Variants in CDC42SE2 observed in about 807,000 individuals in gnomAD.
CDC42SE2 encodes the protein CDC42 small effector protein 2.
CDC42SE2 carries 3 observed loss-of-function variants against 11.5 expected under a neutral mutation model. The ratio of observed to expected loss-of-function variants is 0.26; its 90% confidence interval spans 0.12 to 0.67. The LOEUF is 0.67. Among genes scored for constraint, CDC42SE2 ranks in the 30% least tolerant of loss-of-function variants. The pLI, the probability that CDC42SE2 is intolerant of heterozygous loss-of-function variation, is 0.80. For missense variants in CDC42SE2, 82 were observed against 106.8 expected (o/e 0.77, Z 1.02); for synonymous variants, 33 against 34.8 (o/e 0.95, Z 0.18).
chr5:131,353,827 G>C (rs938906384), intron 2 of CDC42SE2, among the ~76,000 whole-genome samples: 2 of 152,054 alleles, frequency 1.3e-5, no homozygotes, highest in South Asian at 4.2e-4. Flanking sequence ...CATGAGAATT[G>C]TTTGAACCTG....
In CDC42SE2 at chr5:131,288,071, C is replaced by CT. The variant is rs1278609363; in HGVS notation, c.-455+23906dup. Among the ~76,000 whole-genome samples the CT allele has an allele frequency of 3.3e-5, 5 of 152,004 alleles. No individual in the cohort carries two copies. The South Asian group carries it at 8.3e-4, about 25-fold the overall frequency. On this transcript the variant is annotated intron_variant, in intron 1 of 4. Coordinates refer to ENST00000505065, the MANE Select transcript of CDC42SE2 (RefSeq NM_001375635.1). ...CCGGCCTGGGCAAAATAGTGAGACT[C>CT]TATCTCTATCAAAAAAGTAAATAAA...
chr5:131,278,090 A>G (rs996873788), intron 1 of CDC42SE2, among the ~76,000 whole-genome samples: 1 of 152,084 alleles, frequency 6.6e-6, no homozygotes, highest in Non-Finnish European at 1.5e-5. Flanking sequence ...GGTCCTATCA[A>G]TTCTTGTGCC....
At chr5:131,329,113 C>T (rs1255298528) in intron 2 of CDC42SE2, among the ~76,000 whole-genome samples, 1 of 152,160 alleles carries the variant, frequency 6.6e-6, no homozygotes, top group African/African-American at 2.4e-5. Flanking sequence ...GGCTTCTGTG[C>T]CACCCTGATT....
the CDC42SE2 span, among the ~76,000 whole-genome samples, chr5:131,228,278 G>T: frequency 6.6e-6 from 1 of 151,952 alleles, no homozygotes; most frequent in Non-Finnish European, 1.5e-5. Flanking sequence ...GTGGTAGGAG[G>T]ATAGCTTGAG....
intron 1 of CDC42SE2, among the ~76,000 whole-genome samples, chr5:131,286,236 C>T (rs1401143501): frequency 1.3e-5 from 2 of 151,710 alleles, no homozygotes; most frequent in African/African-American, 4.8e-5. Flanking sequence ...CTCATCACCA[C>T]ACCCAGCTAA....
At chr5:131,385,799 C>T (rs183963558) in intron 4 of CDC42SE2, among the ~76,000 whole-genome samples, 155 bp downstream of exon 4, 84 of 152,290 alleles carry the variant, frequency 5.5e-4, no homozygotes, top group Middle Eastern at 3.4e-3. Context: ...GAGAAGCAAA[C>T]TACTGATGAA....
intron 1 of CDC42SE2, among the ~76,000 whole-genome samples, chr5:131,267,906 GTTC>G (rs1437482287): frequency 1.3e-5 from 2 of 151,654 alleles, no homozygotes; most frequent in South Asian, 2.1e-4. Context: ...CTGCTGTATT[GTTC>G]TTATTCTCAA....
chr5:131,251,094 C>T (rs1231633140), intron 1 of CDC42SE2, among the ~76,000 whole-genome samples: 6 of 151,996 alleles, frequency 3.9e-5, no homozygotes, highest in Non-Finnish European at 1.5e-5. Flanking sequence ...TATATAGATA[C>T]AATAAAACTA....
chr5:131,309,658 T>C (rs1293586468), intron 1 of CDC42SE2, among the ~76,000 whole-genome samples: 1 of 151,904 alleles, frequency 6.6e-6, no homozygotes, highest in Non-Finnish European at 1.5e-5. Flanking sequence ...TTCAACTTCT[T>C]CCTGGTTTAG....
intron 3 of CDC42SE2, among the ~76,000 whole-genome samples, chr5:131,380,211 C>T (rs999954944): frequency 3.9e-5 from 6 of 152,114 alleles, no homozygotes; most frequent in African/African-American, 7.2e-5. Flanking sequence ...ACTCATCACC[C>T]GAGCAGTGTA....
At chr5:131,369,924 A>G (rs546395683) in intron 3 of CDC42SE2, among the ~76,000 whole-genome samples, 5 of 152,366 alleles carry the variant, frequency 3.3e-5, no homozygotes, top group Middle Eastern at 3.4e-3. Context: ...AGTATGGTTA[A>G]GCACTAATTT....
chr5:131,388,180 G>C (rs1750544776), intron 4 of CDC42SE2, among the ~76,000 whole-genome samples: 1 of 151,988 alleles, frequency 6.6e-6, no homozygotes, highest in African/African-American at 2.4e-5. Context: ...ATTTTTAGTA[G>C]AGCGGGGTTT....
At chr5:131,320,235 A>G (rs1222517789) in intron 2 of CDC42SE2, among the ~76,000 whole-genome samples, 1 of 150,574 alleles carries the variant, frequency 6.6e-6, no homozygotes, top group African/African-American at 2.4e-5. Flanking sequence ...AAATAGAAAA[A>G]AAAAAATTAA....
chr5:131,245,515 C>G (rs1372141844), exon 1 of CDC42SE2: 2 of 152,182 alleles, frequency 1.3e-5, no homozygotes, highest in Non-Finnish European at 2.9e-5. Flanking sequence ...ACACTGCTGT[C>G]CCCTGGTCTA....
intron 2 of CDC42SE2, among the ~76,000 whole-genome samples, chr5:131,346,954 G>A (rs764207719): frequency 4.2e-4 from 64 of 152,170 alleles, no homozygotes; most frequent in Non-Finnish European, 6.0e-4. Context: ...TTTGAAACCA[G>A]CGAGAACAAA....
At chr5:131,366,223 AATAT>A (rs1043897237) in intron 3 of CDC42SE2, among the ~76,000 whole-genome samples, 19 of 152,294 alleles carry the variant, frequency 1.2e-4, no homozygotes, top group African/African-American at 4.6e-4. Context: ...CAGCTCCTTT[AATAT>A]AACTGTGGAG....
chr5:131,297,453 C>T (rs1038174753), intron 1 of CDC42SE2, among the ~76,000 whole-genome samples: 1 of 152,106 alleles, frequency 6.6e-6, no homozygotes, highest in Admixed American at 6.5e-5. Context: ...GGTGCGGTGG[C>T]TCACCCCTGT....
chr5:131,279,932 G>C (rs1157156272), intron 1 of CDC42SE2, among the ~76,000 whole-genome samples: 1 of 152,032 alleles, frequency 6.6e-6, no homozygotes, highest in East Asian at 1.9e-4. Context: ...AATTAGCTGG[G>C]CATGAGTGTG....
chr5:131,299,924 T>G (rs1757647199), intron 1 of CDC42SE2, among the ~76,000 whole-genome samples: 1 of 152,168 alleles, frequency 6.6e-6, no homozygotes, highest in Non-Finnish European at 1.5e-5. Flanking sequence ...ATATAGGTAT[T>G]TAGTAGAAAC....
Sources: allele counts gnomAD v4.1 joint callset (sites outside exome capture counted in the v4.1 genomes callset), GRCh38; gene constraint gnomAD v4.1.1; transcripts MANE v1.5; gene names NCBI Gene and HGNC (gene_info 2026-07-23, HGNC 2026-07-21).